Variants in TMEM117 observed in about 807,000 individuals in gnomAD.
TMEM117 encodes transmembrane protein 117.
Under a neutral mutation model 52.4 loss-of-function variants are expected in TMEM117, and 27 were observed. The observed-to-expected ratio is 0.51, with a 90% CI of 0.38 to 0.71. TMEM117 has a LOEUF of 0.71. Among genes scored for constraint, TMEM117 ranks in the 30% least tolerant of loss-of-function variants. The pLI, the probability that TMEM117 is intolerant of heterozygous loss-of-function variation, is 0.00. For synonymous variants in TMEM117, 215 were observed against 206.3 expected (o/e 1.04, Z -0.36); for missense variants, 556 against 630.5 (o/e 0.88, Z 1.26).
chr12:44,337,903 A>G (rs1951363175), intron 6 of TMEM117, among the ~76,000 whole-genome samples: 1 of 152,108 alleles, frequency 6.6e-6, no homozygotes, highest in Admixed American at 6.6e-5. Context: ...TGCAAACTGT[A>G]GAACAGAGGG....
intron 5 of TMEM117, among the ~76,000 whole-genome samples, chr12:44,218,022 G>A (rs754608925): frequency 2.0e-5 from 3 of 152,032 alleles, no homozygotes; most frequent in Non-Finnish European, 4.4e-5. Context: ...TCAGGAGTTC[G>A]AGACTAGACT....
At chr12:43,961,021 C>T (rs559158566) in intron 3 of TMEM117, among the ~76,000 whole-genome samples, 3 of 152,044 alleles carry the variant, frequency 2.0e-5, no homozygotes, top group African/African-American at 7.2e-5. Context: ...GACTTTTGTC[C>T]CAGCATTCTT....
At chr12:43,928,359 G>T in intron 2 of TMEM117, among the ~76,000 whole-genome samples, 1 of 151,482 alleles carries the variant, frequency 6.6e-6, no homozygotes, top group Non-Finnish European at 1.5e-5. Flanking sequence ...ATTTCTTTTT[G>T]CCTCAGATAT....
At chr12:44,244,162 G>A (rs767213421) in intron 5 of TMEM117, among the ~76,000 whole-genome samples, 2 of 151,836 alleles carry the variant, frequency 1.3e-5, no homozygotes, top group African/African-American at 2.4e-5. Flanking sequence ...GCTGGATCAC[G>A]TGGTAATTAT....
chr12:43,966,568 A>G (rs1945489030), intron 3 of TMEM117, among the ~76,000 whole-genome samples: 1 of 152,178 alleles, frequency 6.6e-6, no homozygotes, highest in South Asian at 2.1e-4. Context: ...CTCTAAGGGG[A>G]AATCTTCACC....
At chr12:44,107,144 T>C (rs960339725) in intron 3 of TMEM117, among the ~76,000 whole-genome samples, 1 of 152,080 alleles carries the variant, frequency 6.6e-6, no homozygotes, top group African/African-American at 2.4e-5. Context: ...CACTTAGTTC[T>C]CAAAATAACC....
At chr12:44,122,468 C>T (rs1948253276) in intron 3 of TMEM117, among the ~76,000 whole-genome samples, 1 of 152,144 alleles carries the variant, frequency 6.6e-6, no homozygotes, top group African/African-American at 2.4e-5. Flanking sequence ...CATAGGCAAA[C>T]ATGTGCCATG....
intron 3 of TMEM117, chr12:44,073,831 A>G (rs1013179458): frequency 2.0e-5 from 3 of 152,240 alleles, no homozygotes; most frequent in Non-Finnish European, 2.9e-5. Flanking sequence ...AATGTGAAAA[A>G]TGTAAGTGGC....
chr12:44,130,944 A>C (rs1029562507), intron 3 of TMEM117, among the ~76,000 whole-genome samples: 2 of 151,992 alleles, frequency 1.3e-5, no homozygotes, highest in Non-Finnish European at 2.9e-5. Context: ...CCAGGGACTG[A>C]TTAATTTTAC....
At chr12:44,296,965 G>T (rs1430774217) in intron 5 of TMEM117, among the ~76,000 whole-genome samples, 1 of 152,194 alleles carries the variant, frequency 6.6e-6, no homozygotes, top group Non-Finnish European at 1.5e-5. Context: ...GTACAAGCCT[G>T]CCCTCTCAGA....
chr12:43,896,540 C>T (rs528457636), intron 2 of TMEM117, among the ~76,000 whole-genome samples: 24 of 152,322 alleles, frequency 1.6e-4, no homozygotes, highest in Non-Finnish European at 3.1e-4. Context: ...CAGTCTATAG[C>T]ACCTTGTACA....
chr12:44,366,631 C>G lies in TMEM117; in HGVS notation c.769-9964C>G, dbSNP rs540939927. On this transcript the variant is annotated intron_variant, in intron 6 of 7. Coordinates refer to ENST00000266534, the MANE Select transcript of TMEM117 (RefSeq NM_032256.3). Reference sequence around the variant, plus strand: ...ATTGAAGAAAGGCATGGAAAGCCTGCCAGTTCAAATCCATTGCTCTAAAGG... The same window carrying G: ...ATTGAAGAAAGGCATGGAAAGCCTGGCAGTTCAAATCCATTGCTCTAAAGG... Among the ~76,000 whole-genome samples, 73 of 152,212 alleles carry G rather than the reference C, an allele frequency of 4.8e-4. 1 individual carries two copies. The highest frequency in any genetic ancestry group is 2.0e-3 in the Admixed American group (31 of 15,276).
intron 6 of TMEM117, among the ~76,000 whole-genome samples, chr12:44,323,820 C>A (rs1038698519): frequency 6.6e-6 from 1 of 152,064 alleles, no homozygotes; most frequent in African/African-American, 2.4e-5. Flanking sequence ...ACTTCTGAAT[C>A]CAGTTTTGCA....
intron 4 of TMEM117, among the ~76,000 whole-genome samples, chr12:44,157,681 A>T (rs1948845044): frequency 6.6e-6 from 1 of 152,152 alleles, no homozygotes; most frequent in African/African-American, 2.4e-5. Context: ...TAGAAATTAA[A>T]ATATGAATTA....
At chr12:44,215,788 G>A (rs1170694014) in intron 5 of TMEM117, among the ~76,000 whole-genome samples, 1 of 151,748 alleles carries the variant, frequency 6.6e-6, no homozygotes, top group Non-Finnish European at 1.5e-5. Flanking sequence ...TGGAAGAAGG[G>A]ATTGGGAGAT....
At chr12:44,229,307 C>G (rs1949904103) in intron 5 of TMEM117, among the ~76,000 whole-genome samples, 1 of 151,930 alleles carries the variant, frequency 6.6e-6, no homozygotes. Context: ...TTTCTGGTCC[C>G]AGCAATGAAA....
At chr12:43,880,866 A>C (rs758500802) in intron 2 of TMEM117, among the ~76,000 whole-genome samples, 4 of 152,226 alleles carry the variant, frequency 2.6e-5, no homozygotes, top group Non-Finnish European at 5.9e-5. Context: ...TTTTGTTAAG[A>C]ATAGTTTTGT....
At chr12:44,060,575 G>A (rs1308868600) in intron 3 of TMEM117, among the ~76,000 whole-genome samples, 2 of 152,168 alleles carry the variant, frequency 1.3e-5, no homozygotes, top group African/African-American at 4.8e-5. Flanking sequence ...AGCTTTGGGC[G>A]AAGTTGTTGA....
At chr12:44,140,717 A>G (rs1948559180) in intron 3 of TMEM117, among the ~76,000 whole-genome samples, 1 of 152,120 alleles carries the variant, frequency 6.6e-6, no homozygotes, top group Admixed American at 6.5e-5. Context: ...GGGCTGGTTT[A>G]TACTTTCATC....
Sources: gnomAD v4.1 joint callset for allele counts (sites outside exome capture counted in the v4.1 genomes callset) on GRCh38, gnomAD v4.1.1 for gene constraint, MANE v1.5 for transcripts, NCBI Gene and HGNC (gene_info 2026-07-23, HGNC 2026-07-21) for gene names.